FLRT2: variants seen among roughly 807,000 people sequenced by gnomAD.
FLRT2 encodes leucine-rich repeat transmembrane protein FLRT2.
In FLRT2, 15 loss-of-function variants were observed where a neutral mutation model predicts 40.0. The observed-to-expected ratio is 0.38, with a 90% CI of 0.25 to 0.58. The LOEUF is 0.58. FLRT2 is among the 20% of genes least tolerant of loss of function. The pLI, the probability that FLRT2 is intolerant of heterozygous loss-of-function variation, is 0.71. For synonymous variants in FLRT2, 380 were observed against 336.8 expected (o/e 1.13, Z -1.41); for missense variants, 726 against 840.0 (o/e 0.86, Z 1.68).
At chr14:85,586,983 A>G (rs1241608788) in intron 1 of FLRT2, among the ~76,000 whole-genome samples, 2 of 152,180 alleles carry the variant, frequency 1.3e-5, no homozygotes, top group Admixed American at 1.3e-4. Flanking sequence ...ACCAGTATAT[A>G]TTCTCCTGCT....
chr14:85,611,199 C>A (rs1892840635), intron 1 of FLRT2, among the ~76,000 whole-genome samples: 1 of 152,138 alleles, frequency 6.6e-6, no homozygotes, highest in Admixed American at 6.5e-5. Flanking sequence ...AAACATAGCA[C>A]CTTCCTGACT....
At chr14:85,562,466 TCTC>T (rs1055433360) in intron 1 of FLRT2, among the ~76,000 whole-genome samples, 1 of 152,126 alleles carries the variant, frequency 6.6e-6, no homozygotes, top group African/African-American at 2.4e-5. Context: ...GGAAACTCAG[TCTC>T]CTCCTCTGAG....
chr14:85,617,831 CT>C (rs1566759180), intron 1 of FLRT2, among the ~76,000 whole-genome samples: 1 of 152,064 alleles, frequency 6.6e-6, no homozygotes, highest in East Asian at 1.9e-4. Flanking sequence ...CAAAATTGAA[CT>C]TGTCATAGCC....
intron 1 of FLRT2, among the ~76,000 whole-genome samples, chr14:85,612,148 GA>G (rs11298273): frequency 0.76 from 109,870 of 143,998 alleles, 42,446 homozygotes; most frequent in East Asian, 0.88. Flanking sequence ...TTTAAAAAAA[GA>G]AAAAAAAAAA....
Position 85,630,035 on chromosome 14 carries a change from T to TA in FLRT2, c.*6540dup. ...TTGTTTCGTACTTGAGATGTTGCTC[T>TA]AAGTATTTTGTAGATTCCGCTGAAA... On this transcript the variant is annotated 3_prime_UTR_variant, in exon 2 of 2. Coordinates refer to ENST00000330753, the MANE Select transcript of FLRT2 (RefSeq NM_013231.6). 6.6e-6 allele frequency: 1 copy of TA among 152,212 alleles called. No homozygotes were observed. Among genetic ancestry groups the TA allele is most frequent in the East Asian group, 1.9e-4 (1 of 5,202 alleles). The allele number at this position is 152,212 out of a possible 1,614,324, so 9.4% of individuals were successfully genotyped here.
At chr14:85,575,787 G>A (rs1259853665) in intron 1 of FLRT2, among the ~76,000 whole-genome samples, 1 of 152,196 alleles carries the variant, frequency 6.6e-6, no homozygotes, top group Non-Finnish European at 1.5e-5. Flanking sequence ...CCCAGCTCCT[G>A]AAGCCCTAGT....
rs554060256 is a variant in FLRT2 at position 85,650,047 on chromosome 14, T to G, written c.*26550T>G. On this transcript the variant is annotated 3_prime_UTR_variant, in exon 2 of 2. Transcript: ENST00000330753. ...TATCATCCTAAATTTGCTTCATTGCTTTTATTCATTAAAAATTACAAATAC... is the reference window on the plus strand; with the variant it reads ...TATCATCCTAAATTTGCTTCATTGCGTTTATTCATTAAAAATTACAAATAC... The G allele has an allele frequency of 1.3e-5, 2 of 152,184 alleles. No individual in the cohort carries two copies. Among genetic ancestry groups the G allele is most frequent in the South Asian group, 4.1e-4 (2 of 4,826 alleles). The allele number at this position is 152,184 out of a possible 1,614,324, so 9.4% of individuals were successfully genotyped here.
chr14:85,533,546 GC>G (rs1319133676), intron 1 of FLRT2, among the ~76,000 whole-genome samples: 3 of 152,146 alleles, frequency 2.0e-5, no homozygotes, highest in Non-Finnish European at 2.9e-5. Context: ...CCGCGGGGCA[GC>G]TTTCTGCCGC....
intron 1 of FLRT2, among the ~76,000 whole-genome samples, chr14:85,588,560 C>A (rs10133875): frequency 0.33 from 50,148 of 151,496 alleles, 9,505 homozygotes; most frequent in African/African-American, 0.53. Context: ...TGTGAAATAA[C>A]CACATCATGA....
At chr14:85,597,927 T>A (rs1470973848) in intron 1 of FLRT2, among the ~76,000 whole-genome samples, 2 of 152,242 alleles carry the variant, frequency 1.3e-5, no homozygotes, top group Non-Finnish European at 2.9e-5. Context: ...GGCATGCCTT[T>A]ATACCCACAA....
At chr14:85,582,863 A>G (rs1440360546) in intron 1 of FLRT2, among the ~76,000 whole-genome samples, 2 of 151,848 alleles carry the variant, frequency 1.3e-5, no homozygotes, top group Non-Finnish European at 2.9e-5. Context: ...GATTCTGTGT[A>G]GGTTGGAGAT....
chr14:85,597,611 C>T (rs1892198301), intron 1 of FLRT2, among the ~76,000 whole-genome samples: 1 of 152,170 alleles, frequency 6.6e-6, no homozygotes, highest in African/African-American at 2.4e-5. Context: ...ATCCAGAGTG[C>T]AATGGCACGA....
At chr14:85,579,206 G>A (rs535411658) in intron 1 of FLRT2, among the ~76,000 whole-genome samples, 1 of 152,200 alleles carries the variant, frequency 6.6e-6, no homozygotes, top group Non-Finnish European at 1.5e-5. Flanking sequence ...GGAGGCTGGA[G>A]TGGGGGAACC....
rs1238701141 is a variant in FLRT2, at chr14:85,653,495, T to G, written c.*29998T>G. ...AATTTAACTGTATCCTTTGGAGATT[T>G]AAGGAAAACTGACAAAGCTAAAAAT... On this transcript the variant is annotated 3_prime_UTR_variant, in exon 2 of 2. Transcript: ENST00000330753. 6.6e-6 allele frequency: 1 copy of G among 152,174 alleles called. No individual in the cohort carries two copies. Among genetic ancestry groups the G allele is most frequent in the East Asian group, 1.9e-4 (1 of 5,184 alleles). The allele number at this position is 152,174 out of a possible 1,614,324, so 9.4% of individuals were successfully genotyped here. A position where few individuals can be genotyped will look rare whatever the true frequency, so the allele number is the denominator to read the frequency against.
At chr14:85,585,822 A>G (rs1358810441) in intron 1 of FLRT2, among the ~76,000 whole-genome samples, 1 of 152,126 alleles carries the variant, frequency 6.6e-6, no homozygotes, top group Non-Finnish European at 1.5e-5. Context: ...CTAGGTGAAG[A>G]GCTGGGGAAC....
chr14:85,550,466 G>A (rs1249036909), intron 1 of FLRT2, among the ~76,000 whole-genome samples: 1 of 152,190 alleles, frequency 6.6e-6, no homozygotes, highest in East Asian at 1.9e-4. Flanking sequence ...CGTGATATGA[G>A]ACACATTTCA....
At chr14:85,570,638 G>A (rs1277429818) in intron 1 of FLRT2, among the ~76,000 whole-genome samples, 1 of 151,386 alleles carries the variant, frequency 6.6e-6, no homozygotes, top group South Asian at 2.1e-4. Context: ...CTGGAGTGCA[G>A]TGGAATGATC....
intron 1 of FLRT2, among the ~76,000 whole-genome samples, chr14:85,593,620 C>T (rs534089621): frequency 2.6e-5 from 4 of 152,188 alleles, no homozygotes; most frequent in Non-Finnish European, 5.9e-5. Context: ...AAATTCTTCA[C>T]TCTTTACAAC....
intron 1 of FLRT2, among the ~76,000 whole-genome samples, chr14:85,569,024 C>A (rs532894083): frequency 6.6e-6 from 1 of 152,218 alleles, no homozygotes; most frequent in South Asian, 2.1e-4. Flanking sequence ...TCAGTAAACC[C>A]TTTCATGATA....
Sources: allele counts gnomAD v4.1 joint callset (sites outside exome capture counted in the v4.1 genomes callset), GRCh38; gene constraint gnomAD v4.1.1; transcripts MANE v1.5; gene names NCBI Gene and HGNC (gene_info 2026-07-23, HGNC 2026-07-21).